Variants in SIPA1L2 observed in about 807,000 individuals in gnomAD.
The protein encoded by SIPA1L2 is signal induced proliferation associated 1 like 2.
In SIPA1L2, 56 loss-of-function variants were observed where a neutral mutation model predicts 163.9. The observed-to-expected ratio is 0.34, with a 90% CI of 0.28 to 0.43. SIPA1L2 has a LOEUF of 0.43. SIPA1L2 is among the 20% of genes least tolerant of loss of function. The pLI is 1.00. For missense variants in SIPA1L2, 1,974 were observed against 2,193.5 expected (o/e 0.90, Z 2.00); for synonymous variants, 877 against 865.7 (o/e 1.01, Z -0.23).
rs535320625 is a variant in SIPA1L2 at position 232,477,559 on chromosome 1, C to T, written c.2085+2068G>A. On this transcript the variant is annotated intron_variant, in intron 7 of 22. Coordinates refer to ENST00000674635, the MANE Select transcript of SIPA1L2 (RefSeq NM_020808.5). Reference sequence around the variant, plus strand: ...CTTTCTCGAGTTTGGAATGTATAGCCTCAACTTACAGGGACTTTTCTTTTA... The same window carrying T: ...CTTTCTCGAGTTTGGAATGTATAGCTTCAACTTACAGGGACTTTTCTTTTA... Among the ~76,000 whole-genome samples the T allele has an allele frequency of 1.2e-4, 18 of 152,290 alleles. 1 individual carries two copies. In the South Asian group the frequency reaches 3.7e-3, roughly 32 times the overall value.
chr1:232,579,112 A>AGGTCTGG (rs1271400620), intron 1 of SIPA1L2, among the ~76,000 whole-genome samples: 1 of 152,196 alleles, frequency 6.6e-6, no homozygotes, highest in Non-Finnish European at 1.5e-5. Context: ...AGACAAACAG[A>AGGTCTGG]GGTCTGGCTC....
chr1:232,539,350 A>G (rs1442443395), intron 2 of SIPA1L2, among the ~76,000 whole-genome samples: 1 of 152,228 alleles, frequency 6.6e-6, no homozygotes, highest in Non-Finnish European at 1.5e-5. Flanking sequence ...TGTCACTCAA[A>G]GGTCAAACGA....
At chr1:232,520,358 G>A (rs1182446547) in intron 2 of SIPA1L2, among the ~76,000 whole-genome samples, 1 of 152,210 alleles carries the variant, frequency 6.6e-6, no homozygotes, top group Non-Finnish European at 1.5e-5. Flanking sequence ...GAAGGCCACC[G>A]ACCAAAATTG....
Position 232,398,971 on chromosome 1 carries a change from C to A in SIPA1L2, c.*156G>T, listed in dbSNP as rs369174820. On this transcript the variant is annotated 3_prime_UTR_variant, in exon 23 of 23. Transcript: ENST00000674635. ...TCTGCCGTGGTTACCGAGAAAGAGT[C>A]GAGGCTCCCTATCCTGCTGTGGTGA... 6 of 985,052 alleles carry A rather than the reference C, an allele frequency of 6.1e-6. No individual in the cohort carries two copies. In the South Asian group the frequency reaches 1.0e-4, roughly 17 times the overall value. The allele number at this position is 985,052 out of a possible 1,614,324, so 61.0% of individuals were successfully genotyped here.
intron 5 of SIPA1L2, chr1:232,490,571 C>A: frequency 3.9e-6 from 1 of 253,286 alleles, no homozygotes; most frequent in South Asian, 6.7e-5. Flanking sequence ...ATTTTTAAAC[C>A]CTGGAAAAAA....
At chr1:232,550,383 C>T (rs1423137702) in intron 2 of SIPA1L2, among the ~76,000 whole-genome samples, 1 of 152,166 alleles carries the variant, frequency 6.6e-6, no homozygotes, top group Non-Finnish European at 1.5e-5. Context: ...CAAACCAATA[C>T]AGAAATTTCA....
chr1:232,602,237 A>G (rs1661636355), intron 1 of SIPA1L2, among the ~76,000 whole-genome samples: 1 of 152,170 alleles, frequency 6.6e-6, no homozygotes, highest in Non-Finnish European at 1.5e-5. Flanking sequence ...CTAGAGACCA[A>G]GGAGAGTGGT....
chr1:232,510,498 C>T (rs1666932565), intron 3 of SIPA1L2, among the ~76,000 whole-genome samples: 1 of 152,172 alleles, frequency 6.6e-6, no homozygotes, highest in Admixed American at 6.5e-5. Context: ...AGGGTGTCTA[C>T]ACTCAGATTC....
intron 1 of SIPA1L2, among the ~76,000 whole-genome samples, chr1:232,589,404 C>T (rs1343457914): frequency 6.6e-6 from 1 of 152,260 alleles, no homozygotes; most frequent in Admixed American, 6.5e-5. Flanking sequence ...ACATTCACTA[C>T]ATTGTCTTTT....
At chr1:232,547,662 A>C (rs2103125671) in intron 2 of SIPA1L2, among the ~76,000 whole-genome samples, 1 of 152,254 alleles carries the variant, frequency 6.6e-6, no homozygotes, top group South Asian at 2.1e-4. Flanking sequence ...AGGGAAGAAC[A>C]CCAGCATTGC....
chr1:232,483,144 T>G (rs989395692), intron 6 of SIPA1L2, among the ~76,000 whole-genome samples: 1 of 152,118 alleles, frequency 6.6e-6, no homozygotes, highest in African/African-American at 2.4e-5. Flanking sequence ...TAGGAGGGCA[T>G]AAAGCCCATG....
intron 3 of SIPA1L2, among the ~76,000 whole-genome samples, chr1:232,501,735 C>A (rs1666490642): frequency 6.6e-6 from 1 of 152,150 alleles, no homozygotes; most frequent in African/African-American, 2.4e-5. Flanking sequence ...TGTAACCAGC[C>A]CTGTTTTCAC....
At chr1:232,513,791 A>T (rs1258114411) in intron 3 of SIPA1L2, 66 bp downstream of exon 3, 3 of 1,491,564 alleles carry the variant, frequency 2.0e-6, no homozygotes, top group Non-Finnish European at 2.7e-6. Context: ...ACAAAGCAAA[A>T]CATTGTGACT....
At chr1:232,451,219 T>C (rs886792842) in intron 10 of SIPA1L2, among the ~76,000 whole-genome samples, 1 of 152,104 alleles carries the variant, frequency 6.6e-6, no homozygotes, top group Non-Finnish European at 1.5e-5. Flanking sequence ...AAAGGATGCA[T>C]ACAGAAAATT....
intron 3 of SIPA1L2, among the ~76,000 whole-genome samples, chr1:232,509,927 C>T (rs76272519): frequency 0.018 from 2,730 of 152,276 alleles, 80 homozygotes; most frequent in African/African-American, 0.061. Context: ...TTCCCCAGCC[C>T]GAGCCCATCT....
chr1:232,407,291 T>C (rs1317878405), intron 19 of SIPA1L2, among the ~76,000 whole-genome samples: 1 of 152,230 alleles, frequency 6.6e-6, no homozygotes, highest in African/African-American at 2.4e-5. Flanking sequence ...TTCCACTAAT[T>C]ATGTTACCAC....
intron 3 of SIPA1L2, among the ~76,000 whole-genome samples, chr1:232,504,604 C>T (rs1666638329): frequency 6.6e-6 from 1 of 151,776 alleles, no homozygotes; most frequent in Admixed American, 6.6e-5. Context: ...GTTAGTGTTT[C>T]CTGGATTAAA....
intron 8 of SIPA1L2, among the ~76,000 whole-genome samples, chr1:232,470,303 G>A (rs1664737222): frequency 6.6e-6 from 1 of 152,176 alleles, no homozygotes; most frequent in Non-Finnish European, 1.5e-5. Context: ...AGAGATGACA[G>A]GTGTACTGCA....
At chr1:232,461,465 T>C (rs921485293) in intron 9 of SIPA1L2, among the ~76,000 whole-genome samples, 1 of 152,238 alleles carries the variant, frequency 6.6e-6, no homozygotes, top group African/African-American at 2.4e-5. Flanking sequence ...TTCTTAGATG[T>C]CACTGACCCA....
Sources: gnomAD v4.1 joint callset for allele counts (sites outside exome capture counted in the v4.1 genomes callset) on GRCh38, gnomAD v4.1.1 for gene constraint, MANE v1.5 for transcripts, NCBI Gene and HGNC (gene_info 2026-07-23, HGNC 2026-07-21) for gene names.